PCDHGA7: variants seen among roughly 807,000 people sequenced by gnomAD.
PCDHGA7 encodes protocadherin gamma-A7.
A neutral mutation model predicts 58.3 loss-of-function variants in PCDHGA7; 44 were observed. The observed-to-expected ratio is 0.75, with a 90% CI of 0.59 to 0.97. PCDHGA7 has a LOEUF of 0.97. PCDHGA7 is among the 50% of genes least tolerant of loss of function. PCDHGA7 has a pLI of 0.00. For synonymous variants in PCDHGA7, 516 were observed against 504.2 expected, an observed-to-expected ratio of 1.02 and a Z score of -0.31; for missense variants, 1,266 against 1,188.7, an observed-to-expected ratio of 1.06 and a Z score of -0.96.
chr5:141,415,967 C>A, intron 1 of PCDHGA7: 1 of 389,100 alleles, frequency 2.6e-6, no homozygotes, highest in Non-Finnish European at 4.2e-6. Context: ...AACTCCAGCC[C>A]CTTAAGCAAC....
chr5:141,487,033 A>T lies in PCDHGA7; in HGVS notation c.2425-7774A>T, dbSNP rs1465525110. ...AGGCCCCAGATCCCAGCCTGTTTGC[A>T]GTCTCTCGATATGCTGGGGAGGTGC... On this transcript the variant is annotated intron_variant, in intron 1 of 3. Coordinates refer to ENST00000518325, the MANE Select transcript of PCDHGA7 (RefSeq NM_018920.4). This position sits in a 1 kb window ranked among gnomAD's most constrained non-coding sequence, Gnocchi z 5.0. The T allele has an allele frequency of 6.2e-7, 1 of 1,614,042 alleles. No homozygotes were observed. The highest frequency in any genetic ancestry group is 8.5e-7 in the Non-Finnish European group (1 of 1,180,040).
chr5:141,442,930 T>C (rs77210959), intron 1 of PCDHGA7, among the ~76,000 whole-genome samples: 6,420 of 152,302 alleles, frequency 0.042, 216 homozygotes, highest in African/African-American at 0.092. Flanking sequence ...TCATTTTCTA[T>C]TTAAGAAACT....
chr5:141,415,249 G>A (rs756443082), intron 1 of PCDHGA7: 1 of 1,614,204 alleles, frequency 6.2e-7, no homozygotes, highest in South Asian at 1.1e-5. Context: ...TGAAACCTCA[G>A]ACCTCACTCT....
chr5:141,504,287 T>C (rs1191226511), intron 2 of PCDHGA7, among the ~76,000 whole-genome samples: 2 of 152,166 alleles, frequency 1.3e-5, no homozygotes, highest in Non-Finnish European at 2.9e-5. Flanking sequence ...AATCATTTCA[T>C]GTTTTTTCAA....
chr5:141,432,908 C>G lies in PCDHGA7; in HGVS notation c.2424+47585C>G, dbSNP rs757934634. 6.2e-7 allele frequency: 1 copy of G among 1,614,168 alleles called. No homozygotes were observed. Reference sequence around the variant, plus strand: ...CATCTTGCTGCTGGCGCTCAGGCTGCGGCGCTGGCACAAGTCACGCCTGCT... The same window carrying G: ...CATCTTGCTGCTGGCGCTCAGGCTGGGGCGCTGGCACAAGTCACGCCTGCT... On this transcript the variant is annotated intron_variant, in intron 1 of 3. Transcript: ENST00000518325. This position sits in a 1 kb window ranked among gnomAD's most constrained non-coding sequence, Gnocchi z 6.0.
rs1194909537 is a variant in PCDHGA7 at position 141,511,022 on chromosome 5, T to C, written c.2648T>C (p.Phe883Ser). 1 of 1,614,176 alleles carries C rather than the reference T, an allele frequency of 6.2e-7. No individual in the cohort carries two copies. The highest frequency in any genetic ancestry group is 8.5e-7 in the Non-Finnish European group (1 of 1,180,020). ...MGLSARYGPQ[F>S]TLQHVPDYRQ... ...TTGAGCGCCCGCTACGGACCCCAGT[T>C]CACCCTGCAGCACGTGCCCGACTAC... The change falls in exon 4 of 4, where the codon TTC becomes TCC. Residue 883 changes from phenylalanine (F) to serine (S), a missense_variant. Transcript: ENST00000518325.
rs756243026 is a variant in PCDHGA7, at chr5:141,487,478, T to C, written c.2425-7329T>C. On this transcript the variant is annotated intron_variant, in intron 1 of 3. Transcript: ENST00000518325. This position sits in a 1 kb window ranked among gnomAD's most constrained non-coding sequence, Gnocchi z 5.0. ...CAAGTTTGTTGATGTGGGAGGCCAC[T>C]CTCATGGCTGTACACCCTTGGCTTC... is the stretch of plus-strand genomic sequence containing the variant. 6 of 1,614,078 alleles carry C rather than the reference T, an allele frequency of 3.7e-6. No individual in the cohort carries two copies. In the Admixed American group the frequency reaches 1.0e-4, roughly 27 times the overall value.
intron 1 of PCDHGA7, among the ~76,000 whole-genome samples, chr5:141,456,625 C>T (rs544550965): frequency 4.6e-5 from 7 of 152,288 alleles, no homozygotes; most frequent in African/African-American, 1.4e-4. Flanking sequence ...AGATTTGCCT[C>T]TTCTTTACTA....
At chr5:141,434,980 CTA>C in intron 1 of PCDHGA7, among the ~76,000 whole-genome samples, 1 of 151,954 alleles carries the variant, frequency 6.6e-6, no homozygotes, top group East Asian at 1.9e-4. Flanking sequence ...TGTTAATACT[CTA>C]TATCATTTTC....
chr5:141,498,971 GGGAAGGAAGGAAGGAAGGAAGGAAGGAA>G (rs201769957), intron 2 of PCDHGA7, among the ~76,000 whole-genome samples: 8 of 111,052 alleles, frequency 7.2e-5, no homozygotes, highest in South Asian at 3.8e-4. Flanking sequence ...GAGGGAGGGA[GGGAAGGAAGGAAGGAAGGAAGGAAGGAA>G]GGAAGGAAGG....
intron 1 of PCDHGA7, chr5:141,394,313 C>G: frequency 6.2e-7 from 1 of 1,614,022 alleles, no homozygotes; most frequent in Non-Finnish European, 8.5e-7. Flanking sequence ...AGGGGGCGCC[C>G]CTGTCCTCGT....
chr5:141,419,794 T>G, intron 1 of PCDHGA7: 1 of 1,614,048 alleles, frequency 6.2e-7, no homozygotes, highest in Non-Finnish European at 8.5e-7. Flanking sequence ...TGCTAGTCGC[T>G]GTAAGAGATG....
Position 141,431,442 on chromosome 5 carries a change from T to G in PCDHGA7, c.2424+46119T>G. 6.2e-7 allele frequency: 1 copy of G among 1,613,746 alleles called. No individual in the cohort carries two copies. The highest frequency in any genetic ancestry group is 1.7e-5 in the Admixed American group (1 of 60,014). The stretch of plus-strand genomic sequence containing the variant: ...CCGGTGCGCACAGGCACCGCGCGCA[T>G]CCGCGTGATGGTTCTGGATGCGAAC... On this transcript the variant is annotated intron_variant, in intron 1 of 3. Coordinates refer to ENST00000518325, the MANE Select transcript of PCDHGA7 (RefSeq NM_018920.4). This position sits in a 1 kb window ranked among gnomAD's most constrained non-coding sequence, Gnocchi z 4.8.
chr5:141,480,970 A>C (rs1189003084), intron 1 of PCDHGA7, among the ~76,000 whole-genome samples: 1 of 152,120 alleles, frequency 6.6e-6, no homozygotes, highest in Non-Finnish European at 1.5e-5. Flanking sequence ...AGTGAGGGAG[A>C]ATCAGTGAAC....
At chr5:141,488,620 C>A (rs1271344928) in intron 1 of PCDHGA7, among the ~76,000 whole-genome samples, 1 of 152,164 alleles carries the variant, frequency 6.6e-6, no homozygotes, top group East Asian at 1.9e-4. Context: ...CTAATCTTTT[C>A]TCTCACCTTA....
rs2099695548 is a variant in PCDHGA7, at chr5:141,490,059, C to T, written c.2425-4748C>T. On this transcript the variant is annotated intron_variant, in intron 1 of 3. Coordinates refer to ENST00000518325, the MANE Select transcript of PCDHGA7 (RefSeq NM_018920.4). The surrounding 1 kb of genome is among the most constrained non-coding windows in gnomAD (Gnocchi z 5.4). ...ATGCCACTGATCCAGACGAGGGCAC[C>T]AACGGCCAACTAGACTATTCTTTTG... 1.2e-6 allele frequency: 2 copies of T among 1,614,242 alleles called. No individual in the cohort carries two copies. The highest frequency in any genetic ancestry group is 1.7e-6 in the Non-Finnish European group (2 of 1,180,030).
chr5:141,431,411 G>A lies in PCDHGA7; in HGVS notation c.2424+46088G>A. On this transcript the variant is annotated intron_variant, in intron 1 of 3. Coordinates refer to ENST00000518325, the MANE Select transcript of PCDHGA7 (RefSeq NM_018920.4). This position sits in a 1 kb window ranked among gnomAD's most constrained non-coding sequence, Gnocchi z 4.8. ...CCTGGTCCTTACGGCCTCCGACGGG[G>A]GCGACCCGGTGCGCACAGGCACCGC... 3 of 1,613,728 alleles carry A rather than the reference G, an allele frequency of 1.9e-6. No individual in the cohort carries two copies. The highest frequency in any genetic ancestry group is 2.5e-6 in the Non-Finnish European group (3 of 1,180,038).
chr5:141,489,287 T>C lies in PCDHGA7; in HGVS notation c.2425-5520T>C. 1 of 1,573,410 alleles carries C rather than the reference T, an allele frequency of 6.4e-7. No individual in the cohort carries two copies. Among genetic ancestry groups the C allele is most frequent in the Non-Finnish European group, 8.6e-7 (1 of 1,159,858 alleles). ...CAGCTCGCTGGGAAATGGCAAGTGC[T>C]GTGCATGTTGTCCTTGTGCTGCTGG... On this transcript the variant is annotated intron_variant, in intron 1 of 3. Transcript: ENST00000518325. The surrounding 1 kb of genome is among the most constrained non-coding windows in gnomAD (Gnocchi z 4.5).
At chr5:141,422,871 G>C in intron 1 of PCDHGA7, 3 of 1,614,216 alleles carry the variant, frequency 1.9e-6, no homozygotes, top group South Asian at 1.1e-5. Flanking sequence ...GCAACGTGTC[G>C]CTGAGCCTGT....
Sources: gnomAD v4.1 joint callset for allele counts (sites outside exome capture counted in the v4.1 genomes callset) on GRCh38, gnomAD v4.1.1 for gene constraint, Gnocchi (gnomAD v3.1) non-coding constraint, MANE v1.5 for transcripts, NCBI Gene and HGNC (gene_info 2026-07-23, HGNC 2026-07-21) for gene names.